The following TNFAIP6 variants were observed in gnomAD, a reference collection of about 807,000 sequenced individuals.
TNFAIP6 encodes tumor necrosis factor-inducible gene 6 protein.
A neutral mutation model predicts 33.7 loss-of-function variants in TNFAIP6; 36 were observed. The observed-to-expected ratio is 1.07, with a 90% CI of 0.82 to 1.41. TNFAIP6 has a LOEUF of 1.41. Ranked by LOEUF, TNFAIP6 falls within the 40% of genes most tolerant of loss-of-function variation. TNFAIP6 has a pLI of 0.00. For synonymous variants in TNFAIP6, 113 were observed against 112.8 expected (o/e 1.00, Z -0.01); for missense variants, 273 against 331.9 (o/e 0.82, Z 1.38).
intron 3 of TNFAIP6, among the ~76,000 whole-genome samples, chr2:151,368,163 G>T (rs1200615084): frequency 6.6e-6 from 1 of 151,764 alleles, no homozygotes; most frequent in Non-Finnish European, 1.5e-5. Context: ...TATACAGTAA[G>T]AATAGCTTAT....
At chr2:151,381,028 G>C (rs1573789600), downstream of TNFAIP6, among the ~76,000 whole-genome samples, 1 of 152,200 alleles carries the variant, frequency 6.6e-6, no homozygotes, top group South Asian at 2.1e-4. Flanking sequence ...GGGATGTTGG[G>C]ACTCAGACGA....
intron 2 of TNFAIP6, 136 bp downstream of exon 2, chr2:151,364,216 C>G: frequency 9.1e-7 from 1 of 1,103,078 alleles, no homozygotes; most frequent in Non-Finnish European, 1.3e-6. Context: ...TTTCTGCTCT[C>G]TGACTTCTCC....
chr2:151,360,690 A>G (rs957463866), intron 1 of TNFAIP6, among the ~76,000 whole-genome samples: 1 of 152,210 alleles, frequency 6.6e-6, no homozygotes, highest in African/African-American at 2.4e-5. Context: ...ATTTGTTCAT[A>G]TGGCAACATA....
chr2:151,362,218 G>A (rs933549860), intron 1 of TNFAIP6, among the ~76,000 whole-genome samples: 4 of 152,070 alleles, frequency 2.6e-5, no homozygotes, highest in Admixed American at 1.3e-4. Flanking sequence ...TGGTAGAAGG[G>A]ACTCCAAACT....
chr2:151,361,429 A>G (rs1684622476), intron 1 of TNFAIP6, among the ~76,000 whole-genome samples: 1 of 152,240 alleles, frequency 6.6e-6, no homozygotes, highest in African/African-American at 2.4e-5. Context: ...GAAATAAAAT[A>G]TGAAGAAAAT....
intron 1 of TNFAIP6, 95 bp downstream of exon 1, chr2:151,357,855 C>T: frequency 1.3e-6 from 1 of 779,058 alleles, no homozygotes; most frequent in Non-Finnish European, 2.2e-6. Context: ...CTATTCTGTA[C>T]AAGGCTGATG....
In TNFAIP6 at chr2:151,357,617, G is replaced by A. The variant is rs936520824; in HGVS notation, c.-50G>A. The A allele has an allele frequency of 3.4e-6, 4 of 1,183,598 alleles. No individual in the cohort carries two copies. In the African/African-American group the frequency reaches 6.0e-5, roughly 18 times the overall value. 73.3% of individuals were successfully genotyped at this position (1,183,598 alleles called of 1,614,324 possible). A position where few individuals can be genotyped will look rare whatever the true frequency, so the allele number is the denominator to read the frequency against. On this transcript the variant is annotated 5_prime_UTR_variant, in exon 1 of 6. Transcript: ENST00000243347. ...AGTCACATTTCAGCCACTGCTCTGAGAATTTGTGAGCAGCCCCTAACAGGC... is the reference window on the plus strand; with the variant it reads ...AGTCACATTTCAGCCACTGCTCTGAAAATTTGTGAGCAGCCCCTAACAGGC...
intron 3 of TNFAIP6, among the ~76,000 whole-genome samples, chr2:151,366,492 AC>A (rs1467197469): frequency 6.6e-6 from 1 of 152,208 alleles, no homozygotes; most frequent in Non-Finnish European, 1.5e-5. Flanking sequence ...GAATTAAGTA[AC>A]CCCAAATCAG....
intron 4 of TNFAIP6, chr2:151,372,356 A>G (rs1391664926): frequency 1.3e-5 from 2 of 152,204 alleles, no homozygotes; most frequent in Non-Finnish European, 2.9e-5. Flanking sequence ...GATTTATATT[A>G]TATAATTTAC....
Position 151,357,649 on chromosome 2 carries a change from T to C in TNFAIP6, c.-18T>C. ...TGAGCAGCCCCTAACAGGCTGTTAC[T>C]TCACTACAACTGACGATATGATCAT... On this transcript the variant is annotated 5_prime_UTR_variant, in exon 1 of 6. Coordinates refer to ENST00000243347, the MANE Select transcript of TNFAIP6 (RefSeq NM_007115.4). 6.5e-7 allele frequency: 1 copy of C among 1,540,356 alleles called. No homozygotes were observed. The highest frequency in any genetic ancestry group is 1.4e-5 in the African/African-American group (1 of 73,542).
chr2:151,373,390 C>T (rs1023382365), intron 4 of TNFAIP6, among the ~76,000 whole-genome samples, 159 bp from the exon 5 acceptor site: 8 of 152,124 alleles, frequency 5.3e-5, no homozygotes, highest in African/African-American at 1.9e-4. Context: ...GTTTTAACTC[C>T]TACTCTCTCT....
chr2:151,370,762 T>G (rs1684803399), intron 4 of TNFAIP6, among the ~76,000 whole-genome samples: 1 of 152,152 alleles, frequency 6.6e-6, no homozygotes, highest in Admixed American at 6.5e-5. Context: ...AGTTCTAATT[T>G]CTTACAACCT....
At chr2:151,369,053 C>A (rs1235654619) in intron 3 of TNFAIP6, among the ~76,000 whole-genome samples, 2 of 152,204 alleles carry the variant, frequency 1.3e-5, no homozygotes, top group South Asian at 4.2e-4. Context: ...ATTAGCCAGA[C>A]GTGGTGGCTC....
At chr2:151,370,596 A>T (rs1684800596) in intron 4 of TNFAIP6, among the ~76,000 whole-genome samples, 1 of 152,152 alleles carries the variant, frequency 6.6e-6, no homozygotes, top group Admixed American at 6.5e-5. Flanking sequence ...ACACCTCAAG[A>T]TCTGACTATA....
In TNFAIP6 at chr2:151,357,646, T is replaced by C; in HGVS notation, c.-21T>C. The stretch of plus-strand genomic sequence containing the variant: ...TTGTGAGCAGCCCCTAACAGGCTGT[T>C]ACTTCACTACAACTGACGATATGAT... On this transcript the variant is annotated 5_prime_UTR_variant, in exon 1 of 6. Transcript: ENST00000243347. 6.6e-7 allele frequency: 1 copy of C among 1,504,518 alleles called. No individual in the cohort carries two copies. The highest frequency in any genetic ancestry group is 2.3e-5 in the East Asian group (1 of 44,342). 93.2% of individuals were successfully genotyped at this position (1,504,518 alleles called of 1,614,324 possible).
intron 5 of TNFAIP6, among the ~76,000 whole-genome samples, chr2:151,378,644 A>C (rs9677200): frequency 1 from 151,987 of 151,996 alleles, 75,989 homozygotes; most frequent in Middle Eastern, 1. Context: ...CACGCCACCA[A>C]GCCCGGCTGA....
chr2:151,372,919 GA>G (rs1487994249), intron 4 of TNFAIP6, among the ~76,000 whole-genome samples: 1 of 150,954 alleles, frequency 6.6e-6, no homozygotes, highest in African/African-American at 2.4e-5. Context: ...GACTCCATCT[GA>G]AAAAAAAGAA....
At chr2:151,362,689 A>G (rs1335372027) in intron 1 of TNFAIP6, among the ~76,000 whole-genome samples, 1 of 151,470 alleles carries the variant, frequency 6.6e-6, no homozygotes, top group Non-Finnish European at 1.5e-5. Context: ...ACAGGGTTTC[A>G]CCGTGTTAGC....
downstream of TNFAIP6, among the ~76,000 whole-genome samples, chr2:151,381,010 G>A (rs147892684): frequency 2.9e-3 from 441 of 152,176 alleles, 3 homozygotes; most frequent in African/African-American, 0.01. Context: ...GTTGTTACTC[G>A]GTAATGAGGG....
Sources: allele counts gnomAD v4.1 joint callset (sites outside exome capture counted in the v4.1 genomes callset), GRCh38; gene constraint gnomAD v4.1.1; transcripts MANE v1.5; gene names NCBI Gene and HGNC (gene_info 2026-07-23, HGNC 2026-07-21).